The following GRIN2B variants were observed in gnomAD, a reference collection of about 807,000 sequenced individuals.
GRIN2B encodes glutamate receptor ionotropic, NMDA 2B.
GRIN2B carries 5 observed loss-of-function variants against 114.5 expected under a neutral mutation model. The ratio of observed to expected loss-of-function variants is 0.04; its 90% CI spans 0.02 to 0.09. GRIN2B has a LOEUF of 0.09. Ranked by LOEUF, GRIN2B falls within the 10% of genes least tolerant of loss-of-function variation. GRIN2B has a pLI of 1.00. For synonymous variants in GRIN2B, 787 were observed against 745.1 expected, an observed-to-expected ratio of 1.06 and a Z score of -0.92; for missense variants, 1,108 against 1,943.5, an observed-to-expected ratio of 0.57 and a Z score of 8.08.
chr12:13,899,274 G>A (rs1866405355), intron 2 of GRIN2B, among the ~76,000 whole-genome samples: 2 of 149,918 alleles, frequency 1.3e-5, no homozygotes, highest in East Asian at 2.0e-4. Flanking sequence ...ACGAAAGAAA[G>A]AAAACAAAGC....
At chr12:13,660,133 C>T (rs2136525928) in intron 5 of GRIN2B, among the ~76,000 whole-genome samples, 1 of 152,296 alleles carries the variant, frequency 6.6e-6, no homozygotes, top group East Asian at 1.9e-4. Context: ...GAAGCTAGTC[C>T]TTTCATGTGC....
intron 4 of GRIN2B, among the ~76,000 whole-genome samples, chr12:13,714,315 C>T (rs1261621383): frequency 1.3e-5 from 2 of 151,904 alleles, no homozygotes; most frequent in Admixed American, 6.6e-5. Context: ...AAGATACTTC[C>T]TCTGATACAG....
chr12:13,949,426 C>A (rs772892132), intron 2 of GRIN2B, among the ~76,000 whole-genome samples: 1 of 152,148 alleles, frequency 6.6e-6, no homozygotes, highest in South Asian at 2.1e-4. Flanking sequence ...AGGGTTGCTA[C>A]AGGTTTCCAG....
intron 4 of GRIN2B, among the ~76,000 whole-genome samples, chr12:13,676,167 C>G (rs146920402): frequency 6.6e-6 from 1 of 151,932 alleles, no homozygotes; most frequent in African/African-American, 2.4e-5. Flanking sequence ...GGGAGGGGAA[C>G]AAGACACACT....
chr12:13,720,757 G>C (rs4763358), intron 4 of GRIN2B, among the ~76,000 whole-genome samples: 26,566 of 152,020 alleles, frequency 0.17, 3,017 homozygotes, highest in Non-Finnish European at 0.26. Flanking sequence ...GCAGAAACCT[G>C]TTTTAAGGGG....
chr12:13,793,046 C>G (rs1864347708), intron 3 of GRIN2B, among the ~76,000 whole-genome samples: 1 of 152,196 alleles, frequency 6.6e-6, no homozygotes, highest in South Asian at 2.1e-4. Context: ...TGTAATATTT[C>G]CAACTGCATT....
At chr12:13,933,073 C>G (rs138944653) in intron 2 of GRIN2B, among the ~76,000 whole-genome samples, 228 of 152,112 alleles carry the variant, frequency 1.5e-3, no homozygotes, top group African/African-American at 5.4e-3. Flanking sequence ...CAGCTCTCAC[C>G]AGACCCCTGA....
At chr12:13,837,692 C>A (rs766971256) in intron 3 of GRIN2B, among the ~76,000 whole-genome samples, 1 of 152,056 alleles carries the variant, frequency 6.6e-6, no homozygotes, top group Non-Finnish European at 1.5e-5. Flanking sequence ...GCCTTCCTCT[C>A]GATGGTGGTG....
chr12:13,803,290 G>A (rs1347785454), intron 3 of GRIN2B, among the ~76,000 whole-genome samples: 3 of 152,016 alleles, frequency 2.0e-5, no homozygotes, highest in Non-Finnish European at 2.9e-5. Context: ...TTACTGTGTG[G>A]GAGGTTGGTT....
chr12:13,847,387 G>T (rs1227109487), intron 3 of GRIN2B, among the ~76,000 whole-genome samples: 1 of 152,026 alleles, frequency 6.6e-6, no homozygotes, highest in South Asian at 2.1e-4. Flanking sequence ...TCCTTGGGTG[G>T]CCTCATTACA....
At chr12:13,711,690 C>T (rs1490039131) in intron 4 of GRIN2B, among the ~76,000 whole-genome samples, 3 of 152,076 alleles carry the variant, frequency 2.0e-5, no homozygotes, top group Non-Finnish European at 4.4e-5. Context: ...TACCATCTCA[C>T]ACCAGTTAGA....
intron 5 of GRIN2B, among the ~76,000 whole-genome samples, chr12:13,638,509 C>A (rs1949685091): frequency 1.3e-5 from 2 of 152,106 alleles, no homozygotes; most frequent in Middle Eastern, 3.2e-3. Flanking sequence ...GAAAGTATCA[C>A]TAGGGAAAAG....
At chr12:13,654,399 A>G (rs989973012) in intron 5 of GRIN2B, among the ~76,000 whole-genome samples, 17 of 152,262 alleles carry the variant, frequency 1.1e-4, no homozygotes, top group Admixed American at 2.0e-4. Context: ...ATGGTTAACT[A>G]ATTCTGTTTG....
chr12:13,939,228 A>G (rs1313944624), intron 2 of GRIN2B, among the ~76,000 whole-genome samples: 1 of 152,168 alleles, frequency 6.6e-6, no homozygotes, highest in East Asian at 1.9e-4. Context: ...CATTCTTGAT[A>G]TGGTTTGGAT....
chr12:13,607,150 A>AT (rs1221628918), intron 10 of GRIN2B, among the ~76,000 whole-genome samples: 9 of 127,574 alleles, frequency 7.1e-5, no homozygotes, highest in East Asian at 2.1e-4. Context: ...CACTCAAAAA[A>AT]AATATATATA....
intron 3 of GRIN2B, among the ~76,000 whole-genome samples, chr12:13,843,368 A>G (rs1434552652): frequency 6.6e-6 from 1 of 152,038 alleles, no homozygotes; most frequent in Non-Finnish European, 1.5e-5. Context: ...GGTCATTCCC[A>G]TTTGATTCTG....
chr12:13,640,487 T>C (rs543951286), intron 5 of GRIN2B, among the ~76,000 whole-genome samples: 5 of 152,292 alleles, frequency 3.3e-5, no homozygotes, highest in African/African-American at 1.2e-4. Context: ...CTGTTGTCTC[T>C]GGTCCTGGCT....
In GRIN2B at chr12:13,841,972, AAAT is replaced by A. The variant is rs1865387186; in HGVS notation, c.411+23823_411+23825del. Among the ~76,000 whole-genome samples, 5 of 152,254 alleles carry A rather than the reference AAAT, an allele frequency of 3.3e-5. No homozygotes were observed. The South Asian group carries it at 1.0e-3, about 32-fold the overall frequency. ...TGCCACCACTGCCACTATCATTATA[AAAT>A]AATTAGTCTGCAAATTGAGAAATCA... On this transcript the variant is annotated intron_variant, in intron 3 of 13. Transcript: ENST00000609686.
At chr12:13,782,311 T>G (rs1197815926) in intron 3 of GRIN2B, among the ~76,000 whole-genome samples, 1 of 151,924 alleles carries the variant, frequency 6.6e-6, no homozygotes, top group Non-Finnish European at 1.5e-5. Context: ...TCTCTCTCTC[T>G]CCCCGCTCCC....
Sources: gnomAD v4.1 joint callset for allele counts (sites outside exome capture counted in the v4.1 genomes callset) on GRCh38, gnomAD v4.1.1 for gene constraint, MANE v1.5 for transcripts, NCBI Gene and HGNC (gene_info 2026-07-23, HGNC 2026-07-21) for gene names.